The following TTLL5 variants were observed in gnomAD, a reference collection of about 807,000 sequenced individuals.
TTLL5 encodes tubulin polyglutamylase TTLL5.
In TTLL5, 132 loss-of-function variants were observed where a neutral mutation model predicts 168.4. The ratio of observed to expected loss-of-function variants is 0.78; its 90% CI spans 0.68 to 0.91. The LOEUF (loss-of-function observed/expected upper bound fraction) is 0.91, where lower values mean the gene tolerates loss of function less well. Ranked by LOEUF, TTLL5 falls within the 40% of genes least tolerant of loss-of-function variation. The pLI, the probability that TTLL5 is intolerant of heterozygous loss-of-function variation, is 0.00. For missense variants in TTLL5, 1,545 were observed against 1,581.5 expected (o/e 0.98, Z 0.39); for synonymous variants, 546 against 558.6 (o/e 0.98, Z 0.32).
intron 18 of TTLL5, among the ~76,000 whole-genome samples, chr14:75,756,408 A>G (rs1379213246): frequency 1.3e-5 from 2 of 152,208 alleles, no homozygotes; most frequent in Non-Finnish European, 2.9e-5. Context: ...TGATATAATC[A>G]TTGAGTATCT....
chr14:75,892,249 G>A (rs2032437845), intron 30 of TTLL5, among the ~76,000 whole-genome samples: 1 of 152,160 alleles, frequency 6.6e-6, no homozygotes, highest in Non-Finnish European at 1.5e-5. Context: ...AGCTATGATG[G>A]ATGAACATTT....
chr14:75,943,814 G>A (rs929602710), intron 31 of TTLL5, among the ~76,000 whole-genome samples: 5 of 152,202 alleles, frequency 3.3e-5, no homozygotes, highest in Admixed American at 1.3e-4. Context: ...AATTAAAAGA[G>A]AGAGTAAACC....
chr14:75,815,838 G>A (rs1236064272), intron 27 of TTLL5, among the ~76,000 whole-genome samples: 1 of 152,194 alleles, frequency 6.6e-6, no homozygotes, highest in Non-Finnish European at 1.5e-5. Flanking sequence ...ACCTCTCTGA[G>A]CCTTAGTTTC....
chr14:75,795,670 A>G (rs924803811), intron 27 of TTLL5, among the ~76,000 whole-genome samples: 1 of 152,160 alleles, frequency 6.6e-6, no homozygotes, highest in Admixed American at 6.6e-5. Flanking sequence ...GTGAGAACAT[A>G]TGATGTCTGG....
chr14:75,916,885 A>G (rs2033635319), intron 31 of TTLL5, among the ~76,000 whole-genome samples: 1 of 152,222 alleles, frequency 6.6e-6, no homozygotes, highest in African/African-American at 2.4e-5. Context: ...AATAAGCTAC[A>G]GCATGGAACT....
At chr14:75,909,324 C>A (rs943068553) in intron 31 of TTLL5, among the ~76,000 whole-genome samples, 5 of 148,250 alleles carry the variant, frequency 3.4e-5, no homozygotes, top group African/African-American at 1.3e-4. Context: ...TAGATACCAT[C>A]CCTATACCCT....
At chr14:75,760,563 C>T (rs539029819) in intron 18 of TTLL5, among the ~76,000 whole-genome samples, 4 of 151,854 alleles carry the variant, frequency 2.6e-5, no homozygotes, top group African/African-American at 7.3e-5. Flanking sequence ...CGTACTTGAC[C>T]TAAATACTGT....
chr14:75,845,456 TA>T, intron 28 of TTLL5, among the ~76,000 whole-genome samples: 1 of 152,210 alleles, frequency 6.6e-6, no homozygotes, highest in Non-Finnish European at 1.5e-5. Context: ...ATTTTTAAAT[TA>T]ATTTTTATAT....
At chr14:75,752,501 T>C (rs972933811) in intron 17 of TTLL5, among the ~76,000 whole-genome samples, 1 of 152,258 alleles carries the variant, frequency 6.6e-6, no homozygotes, top group Non-Finnish European at 1.5e-5. Context: ...CAGTCTCTTA[T>C]CTACATTTTC....
intron 18 of TTLL5, among the ~76,000 whole-genome samples, chr14:75,763,273 G>A (rs966668870): frequency 6.6e-6 from 1 of 151,920 alleles, no homozygotes; most frequent in Non-Finnish European, 1.5e-5. Context: ...GTGTGTGTGT[G>A]TGTGTGTGTG....
chr14:75,753,838 T>C (rs1890096137), intron 18 of TTLL5, among the ~76,000 whole-genome samples: 1 of 152,208 alleles, frequency 6.6e-6, no homozygotes, highest in South Asian at 2.1e-4. Context: ...TTACAAGGTT[T>C]CTTTTATCTT....
At chr14:75,877,021 A>G (rs1384411329) in intron 29 of TTLL5, among the ~76,000 whole-genome samples, 1 of 152,202 alleles carries the variant, frequency 6.6e-6, no homozygotes, top group East Asian at 1.9e-4. Flanking sequence ...TGTCATGGGA[A>G]TTTTATCCAA....
At position 75,917,277 on chromosome 14, in the gene TTLL5, G is replaced by T. The variant is rs142315026; in HGVS notation, c.3823+15053G>T. The stretch of plus-strand genomic sequence containing the variant: ...TAGGTGTTTTTGTTTTCTCGATTTT[G>T]CATTTGAGGAAACTAAGGCTGAGAG... On this transcript the variant is annotated intron_variant, in intron 31 of 31. Transcript: ENST00000298832. 1.4e-3 allele frequency among the ~76,000 whole-genome samples: 213 copies of T among 152,306 alleles called. 2 individuals carry two copies. In the East Asian group the frequency reaches 0.021, roughly 15 times the overall value.
chr14:75,903,319 G>A (rs545847064), intron 31 of TTLL5, among the ~76,000 whole-genome samples: 2 of 152,200 alleles, frequency 1.3e-5, no homozygotes, highest in Admixed American at 6.5e-5. Flanking sequence ...AAAGGCACAG[G>A]TGGAAGGAGT....
At chr14:75,852,764 G>C (rs538055147) in intron 28 of TTLL5, among the ~76,000 whole-genome samples, 1 of 152,288 alleles carries the variant, frequency 6.6e-6, no homozygotes, top group African/African-American at 2.4e-5. Context: ...GTCACCATGA[G>C]TGTGAACTCT....
intron 26 of TTLL5, among the ~76,000 whole-genome samples, chr14:75,788,071 A>T (rs932031179): frequency 5.3e-5 from 8 of 152,184 alleles, no homozygotes; most frequent in African/African-American, 1.7e-4. Context: ...GGATTGCTTG[A>T]GCGCAGGAGT....
At position 75,707,676 on chromosome 14, in the gene TTLL5, G is replaced by A; in HGVS notation, c.709G>A (p.Val237Ile). The A allele has an allele frequency of 6.3e-7, 1 of 1,593,782 alleles. No homozygotes were observed. The highest frequency in any genetic ancestry group is 8.6e-7 in the Non-Finnish European group (1 of 1,168,106). The change falls in exon 9 of 32, where the codon GTC (valine) becomes ATC (isoleucine). Residue 237 changes from valine (V) to isoleucine (I), a missense_variant. By Grantham distance (29) the Val-to-Ile change is conservative. Coordinates refer to ENST00000298832, the MANE Select transcript of TTLL5 (RefSeq NM_015072.5). ...GCTCGTGACTTCCTATGATCCTCTT[G>A]TCATCTATCTCTATGAAGAAGGATT... ...YVLVTSYDPL[V>I]IYLYEEGLAR...
intron 7 of TTLL5, among the ~76,000 whole-genome samples, chr14:75,702,081 C>A (rs937299877): frequency 2.6e-5 from 4 of 152,224 alleles, no homozygotes; most frequent in African/African-American, 9.6e-5. Flanking sequence ...TAAATTCAGT[C>A]TGGACTCAAA....
intron 31 of TTLL5, among the ~76,000 whole-genome samples, chr14:75,914,542 C>T (rs2033529839): frequency 6.6e-6 from 1 of 151,418 alleles, no homozygotes; most frequent in Admixed American, 6.6e-5. Context: ...TATAAATTAC[C>T]TGGTATTTCT....
Sources: gnomAD v4.1 joint callset for allele counts (sites outside exome capture counted in the v4.1 genomes callset) on GRCh38, gnomAD v4.1.1 for gene constraint, MANE v1.5 for transcripts, NCBI Gene and HGNC (gene_info 2026-07-23, HGNC 2026-07-21) for gene names.